PDXDC1: variants seen among roughly 807,000 people sequenced by gnomAD.
The protein encoded by PDXDC1 is pyridoxal-dependent decarboxylase domain-containing protein 1.
PDXDC1 carries 42 observed loss-of-function variants against 100.1 expected under a neutral mutation model. The observed-to-expected ratio is 0.42, with a 90% CI of 0.33 to 0.54. The LOEUF (loss-of-function observed/expected upper bound fraction) is 0.54, where lower values mean the gene tolerates loss of function less well. Among genes scored for constraint, PDXDC1 ranks in the 20% least tolerant of loss-of-function variants. The pLI, the probability that PDXDC1 is intolerant of heterozygous loss-of-function variation, is 0.10. For missense variants in PDXDC1, 636 were observed against 979.2 expected, an observed-to-expected ratio of 0.65 and a Z score of 4.68; for synonymous variants, 260 against 371.7, an observed-to-expected ratio of 0.70 and a Z score of 3.46.
At chr16:15,040,126 A>G, downstream of PDXDC1, 1 of 909,306 alleles carries the variant, frequency 1.1e-6, no homozygotes, top group East Asian at 2.5e-5. Context: ...AAGTCTGCAC[A>G]GTCTTACATT....
intron 16 of PDXDC1, among the ~76,000 whole-genome samples, chr16:15,064,577 AC>A (rs1470809758): frequency 6.6e-6 from 1 of 152,042 alleles, no homozygotes; most frequent in Non-Finnish European, 1.5e-5. Context: ...AAAAGACAGC[AC>A]CCTCCCCTAT....
downstream of PDXDC1, among the ~76,000 whole-genome samples, chr16:15,142,936 C>G (rs2048497363): frequency 6.6e-6 from 1 of 152,134 alleles, no homozygotes; most frequent in Admixed American, 6.5e-5. Flanking sequence ...TCTGGGGTCC[C>G]AAGCCCTTGC....
intron 4 of PDXDC1, among the ~76,000 whole-genome samples, chr16:15,003,775 G>A (rs773222998): frequency 1.3e-5 from 2 of 152,214 alleles, no homozygotes; most frequent in Non-Finnish European, 1.5e-5. Context: ...CTGAAGTCAG[G>A]AGTTCAAGAG....
chr16:14,981,676 G>A (rs974852756), intron 1 of PDXDC1, among the ~76,000 whole-genome samples: 5 of 152,282 alleles, frequency 3.3e-5, no homozygotes, highest in Admixed American at 6.5e-5. Context: ...TTTGGAACAC[G>A]GAGTTGGATC....
intron 16 of PDXDC1, chr16:15,136,209 C>G (rs1385678485): frequency 6.0e-6 from 4 of 669,344 alleles, no homozygotes; most frequent in African/African-American, 1.8e-5. Context: ...CGCTGGGAGC[C>G]CCATCACTGT....
chr16:15,107,914 C>G lies in PDXDC1; in HGVS notation c.1400-30965C>G. On this transcript the variant is annotated intron_variant, in intron 16 of 16. Transcript: ENST00000535621. ...TCAGAGGCTGATGCTGGAACTGAGA[C>G]CATCAGCCATAGAGAGATCCTTCCA... 1.9e-6 allele frequency: 2 copies of G among 1,036,832 alleles called. 1 individual carries two copies. Among genetic ancestry groups the G allele is most frequent in the Non-Finnish European group, 2.3e-6 (2 of 853,100 alleles). The allele number at this position is 1,036,832 out of a possible 1,614,324, so 64.2% of individuals were successfully genotyped here. A position where few individuals can be genotyped will look rare whatever the true frequency, so the allele number is the denominator to read the frequency against.
chr16:15,067,186 CGG>C (rs1009442369), intron 16 of PDXDC1, among the ~76,000 whole-genome samples: 21 of 151,850 alleles, frequency 1.4e-4, no homozygotes, highest in African/African-American at 5.1e-4. Context: ...AAGAGGCTGA[CGG>C]AGCTCAGCAA....
intron 16 of PDXDC1, among the ~76,000 whole-genome samples, chr16:15,077,657 C>T (rs569345092): frequency 5.9e-5 from 9 of 152,244 alleles, no homozygotes; most frequent in Middle Eastern, 3.4e-3. Context: ...CTGGCTAACA[C>T]GGTGAAACCC....
chr16:15,040,339 CG>C (rs2043757828), downstream of PDXDC1: 1 of 381,866 alleles, frequency 2.6e-6, no homozygotes, highest in African/African-American at 2.1e-5. Context: ...TTCCTTCAGT[CG>C]GACATGTAGC....
At chr16:14,988,328 G>A in intron 1 of PDXDC1, 1 of 1,614,056 alleles carries the variant, frequency 6.2e-7, no homozygotes, top group East Asian at 2.2e-5. Context: ...CGTTGTAGAT[G>A]AGCTTGAAGA....
At chr16:15,123,263 C>T (rs2047529051) in intron 16 of PDXDC1, among the ~76,000 whole-genome samples, 1 of 152,034 alleles carries the variant, frequency 6.6e-6, no homozygotes, top group Non-Finnish European at 1.5e-5. Flanking sequence ...CCTCCCAAGA[C>T]CAGGTCCTCT....
chr16:15,125,913 C>A, intron 16 of PDXDC1: 1 of 675,064 alleles, frequency 1.5e-6, no homozygotes. Flanking sequence ...TGCCATCTGA[C>A]AGAATGTCCT....
At chr16:15,008,030 T>C (rs1229350471) in intron 6 of PDXDC1, among the ~76,000 whole-genome samples, 2 of 152,292 alleles carry the variant, frequency 1.3e-5, no homozygotes, top group East Asian at 1.9e-4. Flanking sequence ...TGGTGGCTTA[T>C]AGGGTAGGGG....
At chr16:15,094,280 T>A (rs1435516390) in intron 16 of PDXDC1, 1 of 1,434,590 alleles carries the variant, frequency 7.0e-7, no homozygotes, top group Non-Finnish European at 9.6e-7. Context: ...GATGCCCAGC[T>A]CCTTCCAGCC....
chr16:15,095,731 T>C (rs2046331240), intron 16 of PDXDC1, among the ~76,000 whole-genome samples: 1 of 151,796 alleles, frequency 6.6e-6, no homozygotes, highest in South Asian at 2.1e-4. Context: ...GTGCCTGTAA[T>C]CCCAGCTACT....
intron 16 of PDXDC1, among the ~76,000 whole-genome samples, chr16:15,086,632 T>C (rs2045925689): frequency 6.6e-6 from 1 of 152,226 alleles, no homozygotes; most frequent in African/African-American, 2.4e-5. Context: ...ATTACTTAAC[T>C]GTTTTAAGAA....
intron 16 of PDXDC1, among the ~76,000 whole-genome samples, chr16:15,078,269 C>T (rs1374967542): frequency 1.3e-5 from 2 of 152,162 alleles, no homozygotes; most frequent in African/African-American, 4.8e-5. Flanking sequence ...TTTCCTATAG[C>T]ATCAATGTTT....
intron 1 of PDXDC1, among the ~76,000 whole-genome samples, chr16:14,990,518 A>G (rs1970531238): frequency 6.6e-6 from 1 of 152,292 alleles, no homozygotes; most frequent in Non-Finnish European, 1.5e-5. Flanking sequence ...CAGTTAATCT[A>G]CAACTTTTCA....
At chr16:14,988,732 G>T in intron 1 of PDXDC1, 1 of 1,613,830 alleles carries the variant, frequency 6.2e-7, no homozygotes, top group Non-Finnish European at 8.5e-7. Flanking sequence ...TAGCTGTTCT[G>T]CAGCACGTCG....
Sources: allele counts gnomAD v4.1 joint callset (sites outside exome capture counted in the v4.1 genomes callset), GRCh38; gene constraint gnomAD v4.1.1; transcripts MANE v1.5; gene names NCBI Gene and HGNC (gene_info 2026-07-23, HGNC 2026-07-21).